Variants in TAS2R1 observed in about 807,000 individuals in gnomAD.
TAS2R1 encodes the protein taste 2 receptor member 1, also known as taste receptor type 2 member 1.
For missense variants in TAS2R1, 370 were observed against 353.4 expected, an observed-to-expected ratio of 1.05 and a Z score of -0.38; for synonymous variants, 141 against 134.2, an observed-to-expected ratio of 1.05 and a Z score of -0.35.
chr5:9,755,853 T>G, the TAS2R1 span, among the ~76,000 whole-genome samples: 1 of 152,060 alleles, frequency 6.6e-6, no homozygotes, highest in Non-Finnish European at 1.5e-5. Flanking sequence ...CTGGTGGGAG[T>G]GTAGCAGTGA....
At chr5:9,825,909 CT>C in the TAS2R1 span, among the ~76,000 whole-genome samples, 1 of 152,038 alleles carries the variant, frequency 6.6e-6, no homozygotes, top group Non-Finnish European at 1.5e-5. Context: ...CTTTCTTGGC[CT>C]GAAATAAGTC....
At chr5:9,786,512 T>C in the TAS2R1 span, among the ~76,000 whole-genome samples, 1 of 152,186 alleles carries the variant, frequency 6.6e-6, no homozygotes, top group Admixed American at 6.5e-5. Context: ...AAATAGCACG[T>C]ACAATAACAC....
the TAS2R1 span, among the ~76,000 whole-genome samples, chr5:9,725,473 T>G: frequency 6.6e-6 from 1 of 152,152 alleles, no homozygotes; most frequent in African/African-American, 2.4e-5. Context: ...CCAGCAGCTG[T>G]GAAGGGTGTA....
intron 1 of TAS2R1, among the ~76,000 whole-genome samples, chr5:9,672,086 A>G (rs1740778509): frequency 6.6e-6 from 1 of 152,192 alleles, no homozygotes; most frequent in Non-Finnish European, 1.5e-5. Flanking sequence ...CTGATTAGCC[A>G]TATGTAGAAG....
chr5:9,673,131 C>A (rs190228595), intron 1 of TAS2R1, among the ~76,000 whole-genome samples: 1 of 151,548 alleles, frequency 6.6e-6, no homozygotes, highest in Non-Finnish European at 1.5e-5. Flanking sequence ...ATAGACACTG[C>A]GGCCTACTTA....
chr5:9,824,609 G>A, the TAS2R1 span, among the ~76,000 whole-genome samples: 1 of 152,146 alleles, frequency 6.6e-6, no homozygotes, highest in Non-Finnish European at 1.5e-5. Flanking sequence ...CACTTTGGGG[G>A]GCCGAGGCAG....
At chr5:9,876,828 G>T in the TAS2R1 span, among the ~76,000 whole-genome samples, 13 of 152,290 alleles carry the variant, frequency 8.5e-5, no homozygotes, top group Middle Eastern at 3.4e-3. Context: ...GGCCAAAAAG[G>T]TTGTCTAGTT....
the TAS2R1 span, among the ~76,000 whole-genome samples, chr5:9,855,698 G>A: frequency 6.6e-6 from 1 of 152,320 alleles, no homozygotes; most frequent in East Asian, 1.9e-4. Flanking sequence ...AGTATAGCAT[G>A]GAACTAAAGG....
At chr5:9,656,151 C>T (rs1317539152) in intron 2 of TAS2R1, among the ~76,000 whole-genome samples, 2 of 152,150 alleles carry the variant, frequency 1.3e-5, no homozygotes, top group African/African-American at 4.8e-5. Context: ...AAGCACAGTA[C>T]CTGGCACATA....
chr5:9,702,393 GTAAAGACC>G (rs1741506518), intron 1 of TAS2R1, among the ~76,000 whole-genome samples: 1 of 152,108 alleles, frequency 6.6e-6, no homozygotes, highest in South Asian at 2.1e-4. Context: ...TGGCATCTAG[GTAAAGACC>G]AGAGATGCTG....
the TAS2R1 span, among the ~76,000 whole-genome samples, chr5:9,774,664 A>AT: frequency 3.7e-4 from 56 of 152,386 alleles, no homozygotes; most frequent in African/African-American, 1.3e-3. Flanking sequence ...CCCAAGCCTA[A>AT]TAACGTTGTG....
the TAS2R1 span, chr5:9,889,538 AGCGGGGGTTTTTT>A: frequency 2.0e-5 from 3 of 151,770 alleles, no homozygotes; most frequent in Non-Finnish European, 4.4e-5. Flanking sequence ...AAAGCATTAC[AGCGGGGGTTTTTT>A]GCTCACTGTT....
chr5:9,755,701 T>A, the TAS2R1 span, among the ~76,000 whole-genome samples: 1 of 152,188 alleles, frequency 6.6e-6, no homozygotes, highest in African/African-American at 2.4e-5. Context: ...ATTTCTTGAT[T>A]ACATGCTAAA....
the TAS2R1 span, among the ~76,000 whole-genome samples, chr5:9,757,474 G>T: frequency 6.6e-6 from 1 of 152,050 alleles, no homozygotes; most frequent in African/African-American, 2.4e-5. Context: ...AGAATAGCAC[G>T]GCTCATGAAC....
At chr5:9,634,107 G>A (rs1739925034), upstream of TAS2R1, among the ~76,000 whole-genome samples, 1 of 151,828 alleles carries the variant, frequency 6.6e-6, no homozygotes. Context: ...TCCATCTTGA[G>A]GTTGTTTTTA....
At chr5:9,813,324 T>C in the TAS2R1 span, among the ~76,000 whole-genome samples, 1 of 152,228 alleles carries the variant, frequency 6.6e-6, no homozygotes, top group Non-Finnish European at 1.5e-5. Context: ...AATACATTTC[T>C]GTTGTTTAAT....
the TAS2R1 span, among the ~76,000 whole-genome samples, chr5:9,869,340 G>A: frequency 1.2e-4 from 18 of 152,304 alleles, no homozygotes; most frequent in East Asian, 3.9e-4. Flanking sequence ...GGCAAAAGGC[G>A]AAGGAAGAGC....
intron 2 of TAS2R1, among the ~76,000 whole-genome samples, chr5:9,639,158 A>G (rs1477053910): frequency 6.6e-6 from 1 of 152,072 alleles, no homozygotes; most frequent in Non-Finnish European, 1.5e-5. Flanking sequence ...CAAAACCATT[A>G]CCAATTTCTG....
upstream of TAS2R1, among the ~76,000 whole-genome samples, chr5:9,631,651 G>A (rs967284997): frequency 1.3e-5 from 2 of 152,134 alleles, no homozygotes; most frequent in African/African-American, 4.8e-5. Context: ...AAAGGTACCT[G>A]GCAGACCTGA....
Sources: gnomAD v4.1 joint callset for allele counts (sites outside exome capture counted in the v4.1 genomes callset) on GRCh38, gnomAD v4.1.1 for gene constraint, MANE v1.5 for transcripts, NCBI Gene and HGNC (gene_info 2026-07-23, HGNC 2026-07-21) for gene names.